The following PXDN variants were observed in gnomAD, a reference collection of about 807,000 sequenced individuals.
PXDN encodes the protein peroxidasin.
In PXDN, 77 loss-of-function variants were observed where a neutral mutation model predicts 140.3. The ratio of observed to expected loss-of-function variants is 0.55; its 90% CI spans 0.46 to 0.66. The LOEUF is 0.66. Ranked by LOEUF, PXDN falls within the 30% of genes least tolerant of loss-of-function variation. PXDN has a pLI of 0.00. For missense variants in PXDN, 1,838 were observed against 2,039.5 expected (o/e 0.90, Z 1.90); for synonymous variants, 911 against 857.4 (o/e 1.06, Z -1.09).
chr2:1,741,697 T>C (rs762793000), intron 1 of PXDN, among the ~76,000 whole-genome samples: 2 of 152,156 alleles, frequency 1.3e-5, no homozygotes, highest in African/African-American at 4.8e-5. Flanking sequence ...GACGGTGTGA[T>C]GGTTGGATGA....
rs1572127532 is a variant in PXDN, at chr2:1,651,941, G to A, written c.2104+1687C>T. On this transcript the variant is annotated intron_variant, in intron 16 of 22. Coordinates refer to ENST00000252804, the MANE Select transcript of PXDN (RefSeq NM_012293.3). The surrounding 1 kb of genome is among the most constrained non-coding windows in gnomAD (Gnocchi z 4.4). The stretch of plus-strand genomic sequence containing the variant: ...GCCCAGGACAATGACTGGCATAGAG[G>A]GTGTGCCCTGACAGGCAGGTGGAAC... Among the ~76,000 whole-genome samples the A allele has an allele frequency of 6.6e-6, 1 of 152,178 alleles. No homozygotes were observed. Among genetic ancestry groups the A allele is most frequent in the Non-Finnish European group, 1.5e-5 (1 of 68,024 alleles).
intron 1 of PXDN, among the ~76,000 whole-genome samples, chr2:1,693,410 C>T (rs1267894590): frequency 6.6e-6 from 1 of 152,172 alleles, no homozygotes; most frequent in Non-Finnish European, 1.5e-5. Flanking sequence ...TCTCTGGCAA[C>T]CCACTGGAAA....
chr2:1,679,663 G>GGT (rs1371068789), intron 7 of PXDN, among the ~76,000 whole-genome samples: 6 of 142,650 alleles, frequency 4.2e-5, no homozygotes, highest in Non-Finnish European at 3.0e-5. Context: ...GTGTGTAAAT[G>GGT]GTGTGTGTGG....
intron 6 of PXDN, 135 bp from the exon 7 acceptor site, chr2:1,680,497 A>C: frequency 9.2e-7 from 1 of 1,083,092 alleles, no homozygotes; most frequent in South Asian, 1.4e-5. Context: ...GGGATGGGAC[A>C]CGTCTCGTGG....
At chr2:1,723,876 G>A (rs540305073) in intron 1 of PXDN, among the ~76,000 whole-genome samples, 1 of 152,290 alleles carries the variant, frequency 6.6e-6, no homozygotes, top group East Asian at 1.9e-4. Flanking sequence ...CCACGTTTGA[G>A]TAAGTTACAA....
At chr2:1,707,547 TAATC>T (rs1218495843) in intron 1 of PXDN, among the ~76,000 whole-genome samples, 1 of 152,196 alleles carries the variant, frequency 6.6e-6, no homozygotes, top group African/African-American at 2.4e-5. Flanking sequence ...TTTGTGTAAA[TAATC>T]AACCCACACT....
intron 11 of PXDN, chr2:1,664,520 A>G (rs1168930178): frequency 6.1e-6 from 1 of 162,644 alleles, no homozygotes; most frequent in Non-Finnish European, 1.3e-5. Context: ...TGGGGAGGTG[A>G]CAGTGAGGGC....
intron 16 of PXDN, chr2:1,653,319 G>A: frequency 2.6e-6 from 1 of 391,924 alleles, no homozygotes. Flanking sequence ...ATTTGTTGCA[G>A]AGGGACTGGG....
At chr2:1,646,972 T>C (rs949751028) in intron 17 of PXDN, among the ~76,000 whole-genome samples, 1 of 152,192 alleles carries the variant, frequency 6.6e-6, no homozygotes, top group Admixed American at 6.5e-5. Flanking sequence ...CTCGGCTCAC[T>C]GCAATATCTG....
intron 1 of PXDN, among the ~76,000 whole-genome samples, chr2:1,723,544 G>A (rs1685104231): frequency 6.6e-6 from 1 of 152,084 alleles, no homozygotes; most frequent in African/African-American, 2.4e-5. Context: ...GAGTTGTTAT[G>A]GATGAATGGA....
At chr2:1,658,795 A>T (rs13432129) in intron 14 of PXDN, among the ~76,000 whole-genome samples, 15,889 of 117,328 alleles carry the variant, frequency 0.14, 1,274 homozygotes, top group Admixed American at 0.19. Context: ...GGACCCCCCC[A>T]CTCTACTCTC....
chr2:1,648,526 T>A lies in PXDN; in HGVS notation c.3254A>T (p.Asp1085Val). Reference protein sequence around the residue: ...TLVNPLLYRLDENFQPIAQDH... With the variant: ...TLVNPLLYRLVENFQPIAQDH... ...TTGTGCAATGGGCTGGAAGTTCTCG[T>A]CCAGCCGGTAAAGCAGTGGGTTGAC... Residue 1085 changes from aspartate (D) to valine (V), a missense_variant, in exon 17 of 23, where the codon GAC becomes GTC. Physicochemically the swap from Asp to Val is radical, Grantham distance 152. This residue lies in a region of PXDN where 850 missense variants were observed against 894.1 expected (regional missense o/e 0.95). Transcript: ENST00000252804. This position sits in a 1 kb window ranked among gnomAD's most constrained non-coding sequence, Gnocchi z 8.9. The A allele has an allele frequency of 1.2e-6, 2 of 1,613,126 alleles. No individual in the cohort carries two copies. The highest frequency in any genetic ancestry group is 1.7e-6 in the Non-Finnish European group (2 of 1,179,850).
chr2:1,652,930 CTGTGTGTGTG>C (rs34590232), intron 16 of PXDN: 17 of 149,270 alleles, frequency 1.1e-4, no homozygotes, highest in East Asian at 4.0e-4. Context: ...CCTCCGTGCT[CTGTGTGTGTG>C]TGTGTGTGTG....
At position 1,744,288 on chromosome 2, in the gene PXDN, G is replaced by C. The variant is rs1273735526; in HGVS notation, c.168C>G (p.Ala56=). ...TVRCMHLLLE[A]VPAVAPQTSI... is the part of the protein sequence containing the mutation. ...AGGTCTGCGGCGCCACGGCGGGCAC[G>C]GCCTCCAGCAGCAGATGCATGCAGC... The change falls in exon 1 of 23, where the codon GCC becomes GCG. Residue 56 remains alanine (A), a synonymous_variant. Transcript: ENST00000252804. 2 of 1,520,518 alleles carry C rather than the reference G, an allele frequency of 1.3e-6. No individual in the cohort carries two copies. The highest frequency in any genetic ancestry group is 1.8e-6 in the Non-Finnish European group (2 of 1,140,136). The allele number at this position is 1,520,518 out of a possible 1,614,324, so 94.2% of individuals were successfully genotyped here.
intron 8 of PXDN, 63 bp downstream of exon 8, chr2:1,676,864 T>G: frequency 6.8e-7 from 1 of 1,472,732 alleles, no homozygotes; most frequent in East Asian, 2.4e-5. Flanking sequence ...TGAGGTGTGG[T>G]TTGGGTGTCT....
chr2:1,705,203 G>A (rs1355784770), intron 1 of PXDN, among the ~76,000 whole-genome samples: 2 of 152,022 alleles, frequency 1.3e-5, no homozygotes, highest in Non-Finnish European at 2.9e-5. Context: ...CATCCCAGGG[G>A]CCCTGGGCCT....
intron 1 of PXDN, among the ~76,000 whole-genome samples, chr2:1,702,529 T>C (rs1400316462): frequency 6.6e-6 from 1 of 152,198 alleles, no homozygotes; most frequent in African/African-American, 2.4e-5. Context: ...AGAAAGTTTG[T>C]TTTGCCAAGG....
At chr2:1,697,561 C>T (rs899192683) in intron 1 of PXDN, among the ~76,000 whole-genome samples, 2 of 152,176 alleles carry the variant, frequency 1.3e-5, no homozygotes, top group Non-Finnish European at 2.9e-5. Context: ...GCTTGACAAA[C>T]AGAATTATTA....
At chr2:1,724,289 AT>A (rs1223036367) in intron 1 of PXDN, among the ~76,000 whole-genome samples, 1 of 146,578 alleles carries the variant, frequency 6.8e-6, no homozygotes, top group African/African-American at 2.5e-5. Flanking sequence ...CTTATATTTT[AT>A]TTAAAGTAAG....
Sources: allele counts gnomAD v4.1 joint callset (sites outside exome capture counted in the v4.1 genomes callset), GRCh38; gene constraint gnomAD v4.1.1; regional missense constraint gnomAD v4.1.1; non-coding constraint Gnocchi (gnomAD v3.1); transcripts MANE v1.5; gene names NCBI Gene and HGNC (gene_info 2026-07-23, HGNC 2026-07-21).